BICRA: variants seen among roughly 807,000 people sequenced by gnomAD.
The protein encoded by BICRA is BRD4-interacting chromatin-remodeling complex-associated protein.
BICRA carries 31 observed loss-of-function variants against 96.9 expected under a neutral mutation model. The observed-to-expected ratio is 0.32, with a 90% confidence interval of 0.24 to 0.43. BICRA has a LOEUF of 0.43. BICRA is among the 20% of genes least tolerant of loss of function. BICRA has a pLI of 1.00. For synonymous variants in BICRA, 1,350 were observed against 1,071.8 expected (o/e 1.26, Z -5.07); for missense variants, 2,283 against 2,190.3 (o/e 1.04, Z -0.84).
At chr19:47,684,337 A>G (rs1196742576) in intron 7 of BICRA, among the ~76,000 whole-genome samples, 1 of 152,066 alleles carries the variant, frequency 6.6e-6, no homozygotes, top group East Asian at 1.9e-4. Flanking sequence ...GCCTGCCACC[A>G]TGTTTGGCTA....
intron 7 of BICRA, among the ~76,000 whole-genome samples, chr19:47,690,792 T>TTG (rs10603971): frequency 0.28 from 41,442 of 150,254 alleles, 5,673 homozygotes; most frequent in South Asian, 0.31. Flanking sequence ...AATTTGTGGA[T>TTG]TGTGTGTGTG....
chr19:47,694,104 C>T lies in BICRA; in HGVS notation c.2284-11C>T, dbSNP rs1973284376. On this transcript the variant is annotated splice_polypyrimidine_tract_variant and intron_variant, in intron 7 of 14. Transcript: ENST00000594866. ...CCCCGCCCCTCCCCTCTCCCTCCCT[C>T]CCCTGCCCAGATCCCGGCAGCGGCT... The T allele has an allele frequency of 4.8e-6, 7 of 1,455,294 alleles. No homozygotes were observed. Among genetic ancestry groups the T allele is most frequent in the African/African-American group, 2.9e-5 (2 of 70,154 alleles). The allele number at this position is 1,455,294 out of a possible 1,614,324, so 90.1% of individuals were successfully genotyped here.
intron 1 of BICRA, among the ~76,000 whole-genome samples, chr19:47,632,965 G>A (rs1972242714): frequency 6.6e-6 from 1 of 151,926 alleles, no homozygotes; most frequent in South Asian, 2.1e-4. Context: ...TGAGATGATA[G>A]CACCAAAGAG....
intron 1 of BICRA, among the ~76,000 whole-genome samples, chr19:47,618,117 C>T (rs1972011410): frequency 1.3e-5 from 2 of 152,196 alleles, no homozygotes; most frequent in Admixed American, 1.3e-4. Flanking sequence ...TTTCTGATTA[C>T]ACAGGTTTGG....
intron 7 of BICRA, among the ~76,000 whole-genome samples, chr19:47,690,261 C>G (rs1973221805): frequency 6.6e-6 from 1 of 152,180 alleles, no homozygotes; most frequent in South Asian, 2.1e-4. Flanking sequence ...CTCAGCCTCC[C>G]AAAGTGCTGG....
rs1457546256 is a variant in BICRA, at chr19:47,694,301, C to A, written c.2470C>A (p.Pro824Thr). 1.1e-6 allele frequency: 1 copy of A among 892,234 alleles called. No individual in the cohort carries two copies. The highest frequency in any genetic ancestry group is 2.3e-5 in the Admixed American group (1 of 43,930). 55.3% of individuals were successfully genotyped at this position (892,234 alleles called of 1,614,324 possible). The change falls in exon 8 of 15, where the codon CCA becomes ACA. Residue 824 changes from proline to threonine, a missense_variant. Physicochemically the swap from Pro to Thr is conservative, Grantham distance 38. Coordinates refer to ENST00000594866, the MANE Select transcript of BICRA (RefSeq NM_001394372.1). ...AGAGCCACCCTTGCACCCTTGCCCC[C>A]CACCCCAGGCCCCCCCAACTCTGCC... The part of the protein sequence containing the change: ...PSEPPLHPCP[P>T]PQAPPTLPGI...
At position 47,680,350 on chromosome 19, in the gene BICRA, C is replaced by T; in HGVS notation, c.1180C>T (p.Pro394Ser). The change falls in exon 6 of 15, where the codon CCG (proline) becomes TCG (serine). Residue 394 changes from proline (P) to serine (S), a missense_variant. By Grantham distance (74) the Pro-to-Ser change is moderately conservative. Transcript: ENST00000594866. Reference sequence around the variant, plus strand: ...GGCGCTCCCGCAGCAGCCCAAGGCCCCGCAGAACCTGACGTTCATGGCGGC... The same window carrying T: ...GGCGCTCCCGCAGCAGCCCAAGGCCTCGCAGAACCTGACGTTCATGGCGGC... ...PGALPQQPKA[P>S]QNLTFMAAGK... 2.0e-6 allele frequency: 3 copies of T among 1,533,186 alleles called. No individual in the cohort carries two copies. Among genetic ancestry groups the T allele is most frequent in the Non-Finnish European group, 1.7e-6 (2 of 1,145,378 alleles). The allele number at this position is 1,533,186 out of a possible 1,614,324, so 95.0% of individuals were successfully genotyped here. A position where few individuals can be genotyped will look rare whatever the true frequency, so the allele number is the denominator to read the frequency against.
chr19:47,618,709 A>G (rs1972018918), intron 1 of BICRA, among the ~76,000 whole-genome samples: 1 of 152,270 alleles, frequency 6.6e-6, no homozygotes, highest in South Asian at 2.1e-4. Flanking sequence ...TCTGTGTCCC[A>G]GCCTGGTAAC....
chr19:47,631,896 G>A (rs547447772), intron 1 of BICRA, among the ~76,000 whole-genome samples: 4 of 152,264 alleles, frequency 2.6e-5, no homozygotes, highest in South Asian at 2.1e-4. Flanking sequence ...TGATCCACCC[G>A]CTTCACCCTC....
At chr19:47,679,073 C>G in intron 5 of BICRA, 1 of 356,110 alleles carries the variant, frequency 2.8e-6, no homozygotes, top group Non-Finnish European at 5.0e-6. Context: ...ACTAATTTTT[C>G]TTTTTTAAAA....
intron 1 of BICRA, among the ~76,000 whole-genome samples, chr19:47,643,533 G>C (rs2123538156): frequency 6.6e-6 from 1 of 152,198 alleles, no homozygotes; most frequent in African/African-American, 2.4e-5. Context: ...TGCTGTCCCT[G>C]GGGTCCCTGG....
chr19:47,645,324 C>T (rs184319266), intron 1 of BICRA, among the ~76,000 whole-genome samples: 1 of 152,280 alleles, frequency 6.6e-6, no homozygotes, highest in East Asian at 1.9e-4. Flanking sequence ...TGTTTCCTCT[C>T]AGTGAGATCC....
chr19:47,619,287 T>G (rs1049141287), intron 1 of BICRA, among the ~76,000 whole-genome samples: 1 of 151,476 alleles, frequency 6.6e-6, no homozygotes. Context: ...TCTCGCTGTT[T>G]CGCTCTGTCC....
chr19:47,688,147 G>A (rs998886486), intron 7 of BICRA, among the ~76,000 whole-genome samples: 12 of 152,004 alleles, frequency 7.9e-5, no homozygotes, highest in Admixed American at 6.6e-4. Flanking sequence ...GAAGCTGGGC[G>A]TGGTGGCTCA....
chr19:47,658,874 T>C (rs1012003), intron 1 of BICRA, among the ~76,000 whole-genome samples: 38,644 of 151,188 alleles, frequency 0.26, 5,153 homozygotes, highest in Middle Eastern at 0.32. Flanking sequence ...TGCATTTTTT[T>C]CCCCTGAATT....
At chr19:47,623,138 C>T (rs2123512725) in intron 1 of BICRA, among the ~76,000 whole-genome samples, 1 of 151,802 alleles carries the variant, frequency 6.6e-6, no homozygotes, top group East Asian at 1.9e-4. Flanking sequence ...AAAATATATA[C>T]TCCTATTTAT....
At chr19:47,682,752 A>G (rs1599853167) in intron 7 of BICRA, among the ~76,000 whole-genome samples, 1 of 151,006 alleles carries the variant, frequency 6.6e-6, no homozygotes. Context: ...GCTCACTGCA[A>G]CCTCCGCCTC....
rs1418381237 is a variant in BICRA at position 47,702,336 on chromosome 19, C to T, written c.4604C>T (p.Pro1535Leu). 9 of 1,548,498 alleles carry T rather than the reference C, an allele frequency of 5.8e-6. No individual in the cohort carries two copies. The highest frequency in any genetic ancestry group is 2.4e-5 in the East Asian group (1 of 41,146). Residue 1535 changes from proline (P) to leucine (L), a missense_variant, in exon 15 of 15, where the codon CCG becomes CTG. By Grantham distance (98) the Pro-to-Leu change is moderately conservative (BLOSUM62 -3). Transcript: ENST00000594866. ...GCCTCGGCCGGCACCCCCGCATCCC[C>T]GCCGCCCCTGCACAGGCCCGAGGCC... ...HAASAGTPAS[P>L]PPLHRPEAYP...
intron 1 of BICRA, among the ~76,000 whole-genome samples, chr19:47,639,050 C>A (rs1227389955): frequency 1.3e-5 from 2 of 152,088 alleles, no homozygotes; most frequent in African/African-American, 2.4e-5. Flanking sequence ...GTTTCCCAGA[C>A]TGGAGTGCAG....
Sources: allele counts gnomAD v4.1 joint callset (sites outside exome capture counted in the v4.1 genomes callset), GRCh38; gene constraint gnomAD v4.1.1; transcripts MANE v1.5; gene names NCBI Gene and HGNC (gene_info 2026-07-23, HGNC 2026-07-21).